Variants in PDE4D observed in about 807,000 individuals in gnomAD.
The protein encoded by PDE4D is phosphodiesterase 4D.
Under a neutral mutation model 87.4 loss-of-function variants are expected in PDE4D, and 24 were observed. The ratio of observed to expected loss-of-function variants is 0.27; its 90% CI spans 0.20 to 0.39. The LOEUF (loss-of-function observed/expected upper bound fraction) is 0.39. Ranked by LOEUF, PDE4D falls within the 10% of genes least tolerant of loss-of-function variation. PDE4D has a pLI of 1.00. For synonymous variants in PDE4D, 384 were observed against 383.2 expected (o/e 1.00, Z -0.02); for missense variants, 714 against 1,041.0 (o/e 0.69, Z 4.32).
chr5:59,904,034 T>C (rs1177867068), intron 3 of PDE4D, among the ~76,000 whole-genome samples: 1 of 152,154 alleles, frequency 6.6e-6, no homozygotes, highest in Non-Finnish European at 1.5e-5. Flanking sequence ...ATATACATGA[T>C]AGGACTTTGC....
intron 1 of PDE4D, among the ~76,000 whole-genome samples, chr5:60,200,203 A>C (rs1052261895): frequency 2.0e-5 from 3 of 151,728 alleles, no homozygotes; most frequent in African/African-American, 7.2e-5. Context: ...TCTGTAAAAT[A>C]GTTGTCATTT....
chr5:59,106,271 C>G (rs1373344188), intron 5 of PDE4D, among the ~76,000 whole-genome samples: 1 of 152,158 alleles, frequency 6.6e-6, no homozygotes, highest in Non-Finnish European at 1.5e-5. Flanking sequence ...ACATGTGTAG[C>G]TGGTATAGAG....
rs373683906 is a variant in PDE4D, at chr5:59,625,809, G to A, written c.455+267359C>T. ...GCATTACAAACCAATGACTGGGCGC[G>A]GTGGCTCATGCCTGTAATCCCAGCA... On this transcript the variant is annotated intron_variant, in intron 1 of 14. Transcript: ENST00000340635. 4.6e-5 allele frequency among the ~76,000 whole-genome samples: 7 copies of A among 152,282 alleles called. No individual in the cohort carries two copies. In the East Asian group the frequency reaches 7.7e-4, roughly 17 times the overall value.
intron 1 of PDE4D, among the ~76,000 whole-genome samples, chr5:59,266,640 G>A (rs140957095): frequency 7.3e-4 from 111 of 152,020 alleles, no homozygotes; most frequent in Non-Finnish European, 8.8e-4. Context: ...AGGGCTCACG[G>A]TTGGAGGCTT....
intron 2 of PDE4D, among the ~76,000 whole-genome samples, chr5:60,000,286 A>T (rs1763904345): frequency 6.6e-6 from 1 of 152,178 alleles, no homozygotes; most frequent in South Asian, 2.1e-4. Flanking sequence ...CATAAATTAT[A>T]ATCAAACTGT....
chr5:59,637,568 TAA>T (rs1393028062), intron 1 of PDE4D, among the ~76,000 whole-genome samples: 4 of 141,364 alleles, frequency 2.8e-5, no homozygotes, highest in East Asian at 2.0e-4. Flanking sequence ...TTTGCAGACA[TAA>T]AAAAAAAAAA....
chr5:59,534,538 G>A (rs1014385755), intron 1 of PDE4D, among the ~76,000 whole-genome samples: 4 of 152,170 alleles, frequency 2.6e-5, no homozygotes, highest in African/African-American at 4.8e-5. Context: ...TGAGTGTCCA[G>A]GGTATACAGA....
At chr5:59,670,638 C>T (rs298059) in intron 1 of PDE4D, among the ~76,000 whole-genome samples, 72,732 of 151,838 alleles carry the variant, frequency 0.48, 17,855 homozygotes, top group East Asian at 0.7. Context: ...AAGGTTGAAA[C>T]ACTTCTGGTC....
chr5:60,329,912 A>G (rs775535305), intron 1 of PDE4D, among the ~76,000 whole-genome samples: 1 of 152,276 alleles, frequency 6.6e-6, no homozygotes, highest in Non-Finnish European at 1.5e-5. Flanking sequence ...ATAACATAAT[A>G]GCCATTAATG....
intron 2 of PDE4D, among the ~76,000 whole-genome samples, chr5:60,137,577 C>T (rs572904709): frequency 1.1e-4 from 16 of 152,068 alleles, no homozygotes; most frequent in African/African-American, 3.4e-4. Flanking sequence ...TTGTTGGCCA[C>T]ATGAATGTCT....
At chr5:59,846,468 A>G (rs1312857748) in intron 1 of PDE4D, among the ~76,000 whole-genome samples, 1 of 151,994 alleles carries the variant, frequency 6.6e-6, no homozygotes, top group Admixed American at 6.6e-5. Context: ...CTGACTCCTT[A>G]GGTTTGAGGT....
intron 1 of PDE4D, among the ~76,000 whole-genome samples, chr5:60,336,371 C>T (rs905655081): frequency 2.6e-5 from 4 of 152,128 alleles, no homozygotes; most frequent in African/African-American, 9.7e-5. Flanking sequence ...CATGGCTATC[C>T]TGAGAAATAG....
intron 1 of PDE4D, among the ~76,000 whole-genome samples, chr5:59,454,746 A>G (rs1410308550): frequency 6.6e-6 from 1 of 152,196 alleles, no homozygotes; most frequent in Non-Finnish European, 1.5e-5. Flanking sequence ...TCCTAGAGAC[A>G]TGTTGAGTGG....
At chr5:59,243,652 G>C (rs1758176870) in intron 1 of PDE4D, among the ~76,000 whole-genome samples, 1 of 151,386 alleles carries the variant, frequency 6.6e-6, no homozygotes, top group South Asian at 2.1e-4. Flanking sequence ...TAGAGATGGG[G>C]TTTCTCCATA....
chr5:59,431,663 G>A (rs1174841966), intron 1 of PDE4D, among the ~76,000 whole-genome samples: 1 of 152,052 alleles, frequency 6.6e-6, no homozygotes, highest in East Asian at 1.9e-4. Context: ...GGGGGTAGAT[G>A]TGAAGGTTTG....
At chr5:59,930,154 C>T (rs1755746703) in intron 3 of PDE4D, among the ~76,000 whole-genome samples, 1 of 114,568 alleles carries the variant, frequency 8.7e-6, no homozygotes, top group Non-Finnish European at 1.7e-5. Flanking sequence ...CAGAGCGAGA[C>T]TCCGTCTCCA....
In PDE4D at chr5:59,128,167, C is replaced by T. The variant is rs867159231; in HGVS notation, c.808+52428G>A. Among the ~76,000 whole-genome samples the T allele has an allele frequency of 5.9e-5, 9 of 152,022 alleles. 1 individual carries two copies. Among genetic ancestry groups the T allele is most frequent in the Admixed American group, 2.0e-4 (3 of 15,264 alleles). On this transcript the variant is annotated intron_variant, in intron 5 of 14. Transcript: ENST00000340635. ...TTCCCCCGACACAGTGGCTAAGACC[C>T]TCTTGTGTAAGTGCTCCTAGCTCAC...
intron 1 of PDE4D, among the ~76,000 whole-genome samples, chr5:59,396,144 T>C (rs1789373513): frequency 8.4e-6 from 1 of 119,292 alleles, no homozygotes; most frequent in African/African-American, 3.4e-5. Flanking sequence ...TGGAACCAAG[T>C]TGGAAAACAC....
At chr5:60,038,107 G>A (rs972797201) in intron 2 of PDE4D, among the ~76,000 whole-genome samples, 6 of 152,108 alleles carry the variant, frequency 3.9e-5, no homozygotes, top group Non-Finnish European at 8.8e-5. Context: ...TTCTTTTGCT[G>A]TGCAGAAGCT....
Sources: allele counts gnomAD v4.1 joint callset (sites outside exome capture counted in the v4.1 genomes callset), GRCh38; gene constraint gnomAD v4.1.1; transcripts MANE v1.5; gene names NCBI Gene and HGNC (gene_info 2026-07-23, HGNC 2026-07-21).